CNTLN: variants seen among roughly 807,000 people sequenced by gnomAD.
CNTLN encodes centlein, centrosomal protein.
Under a neutral mutation model 180.0 loss-of-function variants are expected in CNTLN, and 212 were observed. The observed-to-expected ratio is 1.18, with a 90% confidence interval of 1.05 to 1.32. The LOEUF (loss-of-function observed/expected upper bound fraction) is 1.32, where lower values mean the gene tolerates loss of function less well. CNTLN is among the 40% of genes most tolerant of loss of function. CNTLN has a pLI of 0.00. For synonymous variants in CNTLN, 722 were observed against 563.1 expected (o/e 1.28, Z -3.99); for missense variants, 2,095 against 1,610.9 (o/e 1.30, Z -5.14).
intron 5 of CNTLN, among the ~76,000 whole-genome samples, chr9:17,244,020 T>C (rs1243904567): frequency 6.6e-6 from 1 of 152,158 alleles, no homozygotes; most frequent in East Asian, 1.9e-4. Flanking sequence ...ATATTTGTTA[T>C]ATTCTTTTGC....
intron 6 of CNTLN, among the ~76,000 whole-genome samples, chr9:17,295,235 G>C (rs1439823865): frequency 2.0e-5 from 3 of 152,100 alleles, no homozygotes; most frequent in South Asian, 4.1e-4. Context: ...TGCAAGCTGA[G>C]GGAGCCGGCT....
At chr9:17,449,398 C>T (rs57355148) in intron 18 of CNTLN, among the ~76,000 whole-genome samples, 1 of 151,394 alleles carries the variant, frequency 6.6e-6, no homozygotes, top group Non-Finnish European at 1.5e-5. Flanking sequence ...CGATAGTTTA[C>T]TGAGAATTAG....
intron 18 of CNTLN, among the ~76,000 whole-genome samples, chr9:17,435,488 A>T (rs1319989729): frequency 6.6e-6 from 1 of 152,042 alleles, no homozygotes; most frequent in Non-Finnish European, 1.5e-5. Context: ...TGGTAGGAGG[A>T]GCATTTTGAA....
chr9:17,368,607 G>A (rs1824031475), intron 13 of CNTLN, among the ~76,000 whole-genome samples: 1 of 152,102 alleles, frequency 6.6e-6, no homozygotes, highest in Admixed American at 6.5e-5. Context: ...TGGCCACAGG[G>A]GTGCATTTGT....
At chr9:17,513,773 G>A in the CNTLN span, among the ~76,000 whole-genome samples, 7 of 151,866 alleles carry the variant, frequency 4.6e-5, no homozygotes, top group Non-Finnish European at 8.8e-5. Flanking sequence ...ATTCATAAAA[G>A]TGAAATTATT....
intron 13 of CNTLN, among the ~76,000 whole-genome samples, chr9:17,375,021 A>G (rs1260730745): frequency 6.6e-6 from 1 of 152,234 alleles, no homozygotes; most frequent in Non-Finnish European, 1.5e-5. Flanking sequence ...AGCAACCCAA[A>G]TGTTCATCAA....
chr9:17,290,344 C>A (rs571524196), intron 6 of CNTLN, among the ~76,000 whole-genome samples: 3 of 150,818 alleles, frequency 2.0e-5, no homozygotes, highest in Admixed American at 6.6e-5. Flanking sequence ...CAGGGACCCA[C>A]TTGAGGAGGC....
At chr9:17,215,548 A>G (rs1220494662) in intron 2 of CNTLN, among the ~76,000 whole-genome samples, 1 of 152,170 alleles carries the variant, frequency 6.6e-6, no homozygotes, top group East Asian at 1.9e-4. Flanking sequence ...CTCACACTCC[A>G]TACTGGGAGA....
At chr9:17,376,512 C>T (rs946629757) in intron 13 of CNTLN, among the ~76,000 whole-genome samples, 2 of 150,294 alleles carry the variant, frequency 1.3e-5, no homozygotes, top group African/African-American at 4.9e-5. Flanking sequence ...AGTGCAGTGG[C>T]GCCATCTCGT....
rs368479376 is a variant in CNTLN at position 17,332,699 on chromosome 9, T to C, written c.1613T>C (p.Ile538Thr). ...LQKLRKAERK[I>T]ENLEKALQLK... is the part of the protein sequence containing the mutation. ...AAGCTGAGAAAAGCTGAAAGAAAGA[T>C]TGAAAACTTAGAGAAGGCACTACAA... Residue 538 changes from isoleucine to threonine, a missense_variant, in exon 10 of 26, where the codon ATT becomes ACT. Transcript: ENST00000380647. The C allele has an allele frequency of 2.5e-6, 4 of 1,605,326 alleles. No homozygotes were observed. The African/African-American group carries it at 4.0e-5, about 16-fold the overall frequency.
intron 12 of CNTLN, among the ~76,000 whole-genome samples, chr9:17,361,983 G>T (rs1823430628): frequency 6.6e-6 from 1 of 152,194 alleles, no homozygotes; most frequent in Non-Finnish European, 1.5e-5. Context: ...CCAGGGCTCT[G>T]CCTCTGTCAG....
At chr9:17,369,424 A>G (rs951182594) in intron 13 of CNTLN, among the ~76,000 whole-genome samples, 2 of 152,060 alleles carry the variant, frequency 1.3e-5, no homozygotes, top group Admixed American at 1.3e-4. Flanking sequence ...AACAAACGAA[A>G]TGAGGCACCT....
chr9:17,168,337 TC>T (rs1191964416), intron 2 of CNTLN: 2 of 152,142 alleles, frequency 1.3e-5, no homozygotes, highest in Admixed American at 1.3e-4. Flanking sequence ...TTCCTGTCTT[TC>T]TTGATGTTAG....
chr9:17,363,432 G>T, intron 12 of CNTLN, among the ~76,000 whole-genome samples: 1 of 151,600 alleles, frequency 6.6e-6, no homozygotes, highest in East Asian at 1.9e-4. Context: ...GCGTGAGATG[G>T]TATCTCATTG....
At chr9:17,424,315 A>G (rs1408597744) in intron 18 of CNTLN, among the ~76,000 whole-genome samples, 1 of 152,144 alleles carries the variant, frequency 6.6e-6, no homozygotes, top group Non-Finnish European at 1.5e-5. Context: ...TTTTGACTTA[A>G]AGGTGTTACT....
intron 2 of CNTLN, among the ~76,000 whole-genome samples, chr9:17,152,064 A>T (rs1210021427): frequency 1.3e-5 from 2 of 151,964 alleles, no homozygotes; most frequent in East Asian, 1.9e-4. Context: ...CTCCTTTATT[A>T]GTCTGGCTAG....
intron 8 of CNTLN, among the ~76,000 whole-genome samples, chr9:17,319,883 A>G (rs1372459869): frequency 6.6e-6 from 1 of 152,144 alleles, no homozygotes; most frequent in Admixed American, 6.5e-5. Flanking sequence ...AGTCTTTGCC[A>G]TAGAAAAGGG....
chr9:17,149,491 C>CT (rs1214271608), intron 2 of CNTLN, among the ~76,000 whole-genome samples: 17 of 146,756 alleles, frequency 1.2e-4, no homozygotes, highest in African/African-American at 1.5e-4. Flanking sequence ...TGTTTCCTGA[C>CT]TTTTTTTATT....
intron 12 of CNTLN, among the ~76,000 whole-genome samples, chr9:17,351,666 A>T (rs1282035047): frequency 6.6e-6 from 1 of 152,102 alleles, no homozygotes; most frequent in Non-Finnish European, 1.5e-5. Context: ...GCCCTTATTC[A>T]TACCACCACC....
Sources: gnomAD v4.1 joint callset for allele counts (sites outside exome capture counted in the v4.1 genomes callset) on GRCh38, gnomAD v4.1.1 for gene constraint, MANE v1.5 for transcripts, NCBI Gene and HGNC (gene_info 2026-07-23, HGNC 2026-07-21) for gene names.